Variants in TSPAN15 observed in about 807,000 individuals in gnomAD.
TSPAN15 encodes the protein tetraspanin 15, also known as tetraspanin-15.
TSPAN15 carries 20 observed loss-of-function variants against 34.5 expected under a neutral mutation model. The observed-to-expected ratio is 0.58, with a 90% CI of 0.41 to 0.84. TSPAN15 has a LOEUF of 0.84. Among genes scored for constraint, TSPAN15 ranks in the 40% least tolerant of loss-of-function variants. TSPAN15 has a pLI of 0.00. For missense variants in TSPAN15, 313 were observed against 386.1 expected, an observed-to-expected ratio of 0.81 and a Z score of 1.59; for synonymous variants, 155 against 153.9, an observed-to-expected ratio of 1.01 and a Z score of -0.05.
chr10:69,479,776 C>T (rs1028300071), intron 1 of TSPAN15, among the ~76,000 whole-genome samples: 8 of 152,190 alleles, frequency 5.3e-5, no homozygotes, highest in East Asian at 1.9e-4. Context: ...TCCCCATGCC[C>T]GCTGCTCTTG....
the TSPAN15 span, among the ~76,000 whole-genome samples, chr10:69,531,926 C>CAAACA: frequency 3.2e-5 from 4 of 124,786 alleles, no homozygotes; most frequent in African/African-American, 5.9e-5. Flanking sequence ...AACAAACAAA[C>CAAACA]AAACAAAACA....
intron 6 of TSPAN15, 100 bp downstream of exon 6, chr10:69,504,585 G>A (rs1421758004): frequency 1.1e-5 from 14 of 1,250,156 alleles, no homozygotes; most frequent in Non-Finnish European, 1.5e-5. Context: ...TGGCCACTGA[G>A]ATTTTCCCAC....
chr10:69,506,614 G>A lies in TSPAN15; in HGVS notation c.736-215G>A, dbSNP rs995534209. On this transcript the variant is annotated intron_variant, in intron 7 of 7. Coordinates refer to ENST00000373290, the MANE Select transcript of TSPAN15 (RefSeq NM_012339.5). This position sits in a 1 kb window ranked among gnomAD's most constrained non-coding sequence, Gnocchi z 4.7. ...CCTTGCTGATGGGGCACAGCGAGGCGCTCTGGGATTTCCTGGGAAGGGGAG... is the reference window on the plus strand; with the variant it reads ...CCTTGCTGATGGGGCACAGCGAGGCACTCTGGGATTTCCTGGGAAGGGGAG... 5.3e-5 allele frequency among the ~76,000 whole-genome samples: 8 copies of A among 152,164 alleles called. No individual in the cohort carries two copies. Among genetic ancestry groups the A allele is most frequent in the South Asian group, 2.1e-4 (1 of 4,830 alleles).
At chr10:69,526,027 A>G in the TSPAN15 span, among the ~76,000 whole-genome samples, 1 of 147,128 alleles carries the variant, frequency 6.8e-6, no homozygotes, top group Non-Finnish European at 1.5e-5. Context: ...ATAAAACCAA[A>G]CTTTATCTTC....
the TSPAN15 span, among the ~76,000 whole-genome samples, chr10:69,539,697 T>C: frequency 6.6e-6 from 1 of 152,106 alleles, no homozygotes; most frequent in African/African-American, 2.4e-5. Flanking sequence ...GCTGATTCCA[T>C]GGTGAGAGGA....
downstream of TSPAN15, among the ~76,000 whole-genome samples, chr10:69,509,123 C>A (rs1264348449): frequency 2.6e-5 from 4 of 152,192 alleles, no homozygotes; most frequent in Non-Finnish European, 5.9e-5. Context: ...ATGGCAGAGG[C>A]CCCGTAGGAG....
At chr10:69,523,388 C>A in the TSPAN15 span, 1 of 582,706 alleles carries the variant, frequency 1.7e-6, no homozygotes. Flanking sequence ...GGGTCTCCAC[C>A]CCAAGCCTGG....
chr10:69,507,664 T>TGG lies in TSPAN15; in HGVS notation c.*686_*687insGG, dbSNP rs1564619081. ...CAATAAAAACATGTTTTTTTTTTTT[T>TGG]TTTTTTTTTGCCTTTCCTGTGTGCT... is the stretch of plus-strand genomic sequence containing the variant. On this transcript the variant is annotated 3_prime_UTR_variant, in exon 8 of 8. Coordinates refer to ENST00000373290, the MANE Select transcript of TSPAN15 (RefSeq NM_012339.5). The TGG allele has an allele frequency of 8.0e-6, 10 of 1,257,536 alleles. No homozygotes were observed. The highest frequency in any genetic ancestry group is 6.4e-5 in the African/African-American group (4 of 62,772). 77.9% of individuals were successfully genotyped at this position (1,257,536 alleles called of 1,614,324 possible).
chr10:69,487,480 A>G (rs1378444219), intron 3 of TSPAN15, among the ~76,000 whole-genome samples: 1 of 151,266 alleles, frequency 6.6e-6, no homozygotes, highest in Non-Finnish European at 1.5e-5. Context: ...TCTTTATTCC[A>G]TTTGCCCATG....
intron 2 of TSPAN15, among the ~76,000 whole-genome samples, chr10:69,484,498 G>T (rs1040825375): frequency 1.3e-5 from 2 of 152,226 alleles, no homozygotes; most frequent in Non-Finnish European, 2.9e-5. Context: ...TAAAGCTGGG[G>T]GTAGTGAGTA....
At chr10:69,475,134 A>T (rs1841589546) in intron 1 of TSPAN15, among the ~76,000 whole-genome samples, 1 of 152,016 alleles carries the variant, frequency 6.6e-6, no homozygotes, top group Non-Finnish European at 1.5e-5. Flanking sequence ...AACCAGGGGG[A>T]GGAGGGTGTT....
chr10:69,460,141 G>T (rs935880302), intron 1 of TSPAN15, among the ~76,000 whole-genome samples: 2 of 152,042 alleles, frequency 1.3e-5, no homozygotes, highest in Non-Finnish European at 2.9e-5. Context: ...TAGAACAGAT[G>T]GCTATGGAAC....
chr10:69,455,517 TCC>T lies in TSPAN15; in HGVS notation c.96+3829_96+3830del, dbSNP rs1392967251. ...TCTTAGGTTGTTCCCAGTCTTTCTTTCCCTCTCTTTCTTTCTCTTTCTTTCTT... is the reference window on the plus strand; with the variant it reads ...TCTTAGGTTGTTCCCAGTCTTTCTTTCTCTCTTTCTTTCTCTTTCTTTCTT... On this transcript the variant is annotated intron_variant, in intron 1 of 7. Transcript: ENST00000373290. Among the ~76,000 whole-genome samples the T allele has an allele frequency of 8.2e-4, 119 of 145,790 alleles. 5 individuals carry two copies. Among genetic ancestry groups the T allele is most frequent in the East Asian group, 6.7e-3 (33 of 4,958 alleles).
chr10:69,531,612 AAAC>A, the TSPAN15 span, among the ~76,000 whole-genome samples: 4 of 152,174 alleles, frequency 2.6e-5, no homozygotes, highest in Admixed American at 1.3e-4. Flanking sequence ...GCAAACAAAC[AAAC>A]AACCCCAAAG....
intron 6 of TSPAN15, among the ~76,000 whole-genome samples, chr10:69,504,737 GA>G (rs1427079078): frequency 1.3e-5 from 2 of 152,208 alleles, no homozygotes; most frequent in African/African-American, 2.4e-5. Context: ...TGTTCCACAT[GA>G]AGCCACCACG....
chr10:69,542,348 T>C, the TSPAN15 span, among the ~76,000 whole-genome samples: 2 of 152,174 alleles, frequency 1.3e-5, no homozygotes, highest in South Asian at 4.2e-4. Flanking sequence ...TTCCCACATT[T>C]CTCTGTCTTC....
In TSPAN15 at chr10:69,451,573, A is replaced by G; in HGVS notation, c.-22A>G. On this transcript the variant is annotated 5_prime_UTR_variant, in exon 1 of 8. Transcript: ENST00000373290. ...GCCGGAGAGCCCCGGAGCCCCCGTA[A>G]CCCGCGCGGGGAGCGCCCAGGATGC... 7.0e-7 allele frequency: 1 copy of G among 1,434,936 alleles called. No individual in the cohort carries two copies. 88.9% of individuals were successfully genotyped at this position (1,434,936 alleles called of 1,614,324 possible).
downstream of TSPAN15, among the ~76,000 whole-genome samples, chr10:69,511,762 G>C (rs1397735483): frequency 6.6e-6 from 1 of 152,114 alleles, no homozygotes; most frequent in Non-Finnish European, 1.5e-5. Flanking sequence ...CAGAGACCCT[G>C]GTACGTTGTG....
chr10:69,498,431 C>T (rs367997491), intron 5 of TSPAN15, 35 bp downstream of exon 5: 182 of 1,546,072 alleles, frequency 1.2e-4, no homozygotes, highest in Middle Eastern at 3.4e-4. Context: ...GGGGGGCTGT[C>T]GGGGACCCCA....
Sources: allele counts gnomAD v4.1 joint callset (sites outside exome capture counted in the v4.1 genomes callset), GRCh38; gene constraint gnomAD v4.1.1; non-coding constraint Gnocchi (gnomAD v3.1); transcripts MANE v1.5; gene names NCBI Gene and HGNC (gene_info 2026-07-23, HGNC 2026-07-21).